Variants in TUBGCP6 observed in about 807,000 individuals in gnomAD.
TUBGCP6 encodes tubulin gamma complex component 6, also known as gamma-tubulin complex component 6.
Under a neutral mutation model 175.8 loss-of-function variants are expected in TUBGCP6, and 161 were observed. The ratio of observed to expected loss-of-function variants is 0.92; its 90% CI spans 0.81 to 1.04. TUBGCP6 has a LOEUF of 1.04. Among genes scored for constraint, TUBGCP6 ranks in the 50% least tolerant of loss-of-function variants. The pLI, the probability that TUBGCP6 is intolerant of heterozygous loss-of-function variation, is 0.00. For synonymous variants in TUBGCP6, 1,173 were observed against 1,030.5 expected, an observed-to-expected ratio of 1.14 and a Z score of -2.65; for missense variants, 2,572 against 2,433.0, an observed-to-expected ratio of 1.06 and a Z score of -1.20.
intron 8 of TUBGCP6, 25 bp from the exon 9 acceptor site, chr22:50,226,214 G>A: frequency 6.2e-7 from 1 of 1,614,072 alleles, no homozygotes; most frequent in East Asian, 2.2e-5. Flanking sequence ...ACACCACGGT[G>A]GCCGGCATGG....
Position 50,219,775 on chromosome 22 carries a change from T to C in TUBGCP6, c.4184A>G (p.Gln1395Arg), listed in dbSNP as rs2064485021. The C allele has an allele frequency of 1.2e-6, 2 of 1,613,438 alleles. No homozygotes were observed. Among genetic ancestry groups the C allele is most frequent in the Non-Finnish European group, 1.7e-6 (2 of 1,179,820 alleles). ...CTCCTCACCACGGCCTGGGCTGCTC[T>C]GGGCAGCTGTGTCTTCCTAACAAAA... ...PLNSQEDTAA[Q>R]SSPGRGEEAE... The change falls in exon 18 of 25, where the codon CAG (glutamine) becomes CGG (arginine). Residue 1395 changes from glutamine (Q) to arginine (R), a missense_variant. Coordinates refer to ENST00000248846, the MANE Select transcript of TUBGCP6 (RefSeq NM_020461.4).
chr22:50,217,835 C>A lies in TUBGCP6; in HGVS notation c.5369-8G>T, dbSNP rs1427310796. On this transcript the variant is annotated splice_region_variant and splice_polypyrimidine_tract_variant and intron_variant, in intron 24 of 24. Transcript: ENST00000248846. ...TCACCAGCTTGGTCACCACTGGGGA[C>A]CAGCGAGCAGCTCAGGCTTTTGCCC... is the stretch of plus-strand genomic sequence containing the variant. 1 of 1,613,420 alleles carries A rather than the reference C, an allele frequency of 6.2e-7. No individual in the cohort carries two copies. The highest frequency in any genetic ancestry group is 1.7e-5 in the Admixed American group (1 of 59,948).
Position 50,240,264 on chromosome 22 carries a change from A to C in TUBGCP6, c.845T>G (p.Leu282Arg). The C allele has an allele frequency of 6.2e-7, 1 of 1,613,984 alleles. No homozygotes were observed. The highest frequency in any genetic ancestry group is 8.5e-7 in the Non-Finnish European group (1 of 1,180,032). ...CTCATAGGTAAGTGCGGCTTCCCAC[A>C]GGTCCACGTCTGGGGTCACGCTGGG... ...SEPSVTPDVDLWEAALTYEAS... is the reference protein window; with the variant it reads ...SEPSVTPDVDRWEAALTYEAS... The change falls in exon 2 of 25, where the codon CTG becomes CGG. Residue 282 changes from leucine to arginine, a missense_variant. Transcript: ENST00000248846.
intron 7 of TUBGCP6, 50 bp from the exon 8 acceptor site, chr22:50,226,428 G>A: frequency 6.5e-7 from 1 of 1,538,480 alleles, no homozygotes; most frequent in Non-Finnish European, 8.8e-7. Context: ...AGAGGTGGGT[G>A]GGGCGTGGCT....
Position 50,219,685 on chromosome 22 carries a change from TGCCCTGCCA to T in TUBGCP6, c.4265_4273del (p.Leu1422_Gly1424del). The T allele has an allele frequency of 2.5e-6, 4 of 1,613,716 alleles. No homozygotes were observed. Among genetic ancestry groups the T allele is most frequent in the Non-Finnish European group, 3.4e-6 (4 of 1,179,970 alleles). On this transcript the variant is annotated inframe_deletion, in exon 18 of 25. Coordinates refer to ENST00000248846, the MANE Select transcript of TUBGCP6 (RefSeq NM_020461.4). ...GTCCGGGTACCGCTCCAAGTGGTAC[TGCCCTGCCA>T]GGCCTGCCAGGTAGGCCTGCTCCCC...
Position 50,244,695 on chromosome 22 carries a change from A to C in TUBGCP6, c.-236T>G. On this transcript the variant is annotated 5_prime_UTR_variant, in exon 1 of 25. Transcript: ENST00000248846. ...CACGCTGCCCGGCGCCCGGCAGCCC[A>C]CCAGAAGCCAGCTCGGCGTTTCTTC... 3.5e-6 allele frequency: 2 copies of C among 576,004 alleles called. No individual in the cohort carries two copies. Among genetic ancestry groups the C allele is most frequent in the South Asian group, 4.9e-5 (2 of 41,146 alleles). 35.7% of individuals were successfully genotyped at this position (576,004 alleles called of 1,614,324 possible).
At position 50,217,747 on chromosome 22, in the gene TUBGCP6, G is replaced by A; in HGVS notation, c.5449C>T (p.Gln1817Ter). ...CCCGCAGAGCAGCCTCAGGCGTCCTGGTAGTAGTTGTTGAAGTTGATGCGC... is the reference window on the plus strand; with the variant it reads ...CCCGCAGAGCAGCCTCAGGCGTCCTAGTAGTAGTTGTTGAAGTTGATGCGC... ...LLRINFNNYY[Q>*]DA is the part of the protein sequence containing the mutation. Residue 1817 changes from glutamine to a stop codon, truncating the protein, a stop_gained, in exon 25 of 25, where the codon CAG becomes TAG. Transcript: ENST00000248846. LOFTEE classifies it high-confidence loss of function. 1.2e-6 allele frequency: 2 copies of A among 1,613,982 alleles called. No homozygotes were observed. The highest frequency in any genetic ancestry group is 1.7e-6 in the Non-Finnish European group (2 of 1,179,948).
At chr22:50,220,107 C>G in intron 16 of TUBGCP6, 92 bp from the exon 17 acceptor site, 1 of 1,554,958 alleles carries the variant, frequency 6.4e-7, no homozygotes, top group Non-Finnish European at 8.7e-7. Context: ...CAGCCCCTCC[C>G]ATGTCCCCCA....
chr22:50,234,591 G>GGCAGCATCATCCACACCCCTATCCACA (rs1468631578), intron 2 of TUBGCP6, among the ~76,000 whole-genome samples: 1 of 111,656 alleles, frequency 9.0e-6, no homozygotes, highest in East Asian at 2.9e-4. Context: ...CCCCGTCCAC[G>GGCAGCATCATCCACACCCCTATCCACA]GCAGCATCAT....
At position 50,240,370 on chromosome 22, in the gene TUBGCP6, G is replaced by A. The variant is rs747843872; in HGVS notation, c.742-3C>T. 1.3e-5 allele frequency: 21 copies of A among 1,612,632 alleles called. No homozygotes were observed. Among genetic ancestry groups the A allele is most frequent in the Non-Finnish European group, 1.7e-5 (20 of 1,179,636 alleles). Reference sequence around the variant, plus strand: ...CACTGATCCACACTCGGTGGGACCTGGAGACACAGGGAAGGGCAAACCGCC... The same window carrying A: ...CACTGATCCACACTCGGTGGGACCTAGAGACACAGGGAAGGGCAAACCGCC... On this transcript the variant is annotated splice_polypyrimidine_tract_variant and splice_region_variant and intron_variant, in intron 1 of 24. Coordinates refer to ENST00000248846, the MANE Select transcript of TUBGCP6 (RefSeq NM_020461.4).
Position 50,219,664 on chromosome 22 carries a change from G to C in TUBGCP6, c.4295C>G (p.Pro1432Arg), listed in dbSNP as rs369501784. 8 of 1,613,542 alleles carry C rather than the reference G, an allele frequency of 5.0e-6. No individual in the cohort carries two copies. The highest frequency in any genetic ancestry group is 3.4e-6 in the Non-Finnish European group (4 of 1,179,952). The change falls in exon 18 of 25, where the codon CCG (proline) becomes CGG (arginine). Residue 1432 changes from proline (P) to arginine (R), a missense_variant. Coordinates refer to ENST00000248846, the MANE Select transcript of TUBGCP6 (RefSeq NM_020461.4). ...CTCACACATGGACTCGTAACTGTCC[G>C]GGTACCGCTCCAAGTGGTACTGCCC... ...LAGQYHLERY[P>R]DSYESMSEPP...
At chr22:50,222,395 G>T (rs1602512378) in intron 14 of TUBGCP6, 59 bp downstream of exon 14, 2 of 1,605,066 alleles carry the variant, frequency 1.2e-6, no homozygotes, top group East Asian at 2.2e-5. Flanking sequence ...GCAGTCTCAG[G>T]GGGTTTCCAG....
In TUBGCP6 at chr22:50,243,744, G is replaced by A. The variant is rs1405343723; in HGVS notation, c.716C>T (p.Ala239Val). The change falls in exon 1 of 25, where the codon GCG (alanine) becomes GTG (valine). Residue 239 changes from alanine to valine, a missense_variant. By Grantham distance (64) the Ala-to-Val change is moderately conservative (BLOSUM62 0). Transcript: ENST00000248846. ...RLGLPPVPDN[A>V]DLSGLAIKVP... ...CTTAATAGCCAGCCCAGAGAGGTCC[G>A]CATTGTCTGGCACGGGGGGCAGGCC... 2 of 1,613,340 alleles carry A rather than the reference G, an allele frequency of 1.2e-6. No homozygotes were observed. The highest frequency in any genetic ancestry group is 1.3e-5 in the African/African-American group (1 of 75,010).
rs113863639 is a variant in TUBGCP6 at position 50,242,446 on chromosome 22, G to A, written c.741+1273C>T. On this transcript the variant is annotated intron_variant, in intron 1 of 24. Coordinates refer to ENST00000248846, the MANE Select transcript of TUBGCP6 (RefSeq NM_020461.4). The stretch of plus-strand genomic sequence containing the variant: ...CAGGAGATGGAGGTTGCAGTGAGCC[G>A]AGACCACACCACTGCACTCCAGCCT... Among the ~76,000 whole-genome samples the A allele has an allele frequency of 9.0e-3, 1,360 of 151,670 alleles. 16 individuals are homozygous for A. Among genetic ancestry groups the A allele is most frequent in the African/African-American group, 0.031 (1,294 of 41,324 alleles).
rs765273274 is a variant in TUBGCP6 at position 50,243,699 on chromosome 22, G to A, written c.741+20C>T. The A allele has an allele frequency of 6.3e-7, 1 of 1,580,994 alleles. No individual in the cohort carries two copies. The highest frequency in any genetic ancestry group is 8.6e-7 in the Non-Finnish European group (1 of 1,160,542). The stretch of plus-strand genomic sequence containing the variant: ...TCCAAACCCCGAGAGAGATGAAAGA[G>A]GAAAAACTAAACATTCTACCTTAAT... On this transcript the variant is annotated intron_variant, in intron 1 of 24. Transcript: ENST00000248846.
intron 1 of TUBGCP6, among the ~76,000 whole-genome samples, chr22:50,241,733 T>C (rs2064841178): frequency 6.6e-6 from 1 of 152,154 alleles, no homozygotes; most frequent in South Asian, 2.1e-4. Flanking sequence ...CCACGTGACC[T>C]TACCTATCAT....
chr22:50,222,241 G>T, intron 14 of TUBGCP6, 139 bp from the exon 15 acceptor site: 1 of 1,153,686 alleles, frequency 8.7e-7, no homozygotes, highest in Non-Finnish European at 1.2e-6. Flanking sequence ...CCAGTGGGAC[G>T]CTGGGCCTGC....
chr22:50,242,476 G>A (rs982186305), intron 1 of TUBGCP6, among the ~76,000 whole-genome samples: 5 of 152,094 alleles, frequency 3.3e-5, no homozygotes, highest in African/African-American at 4.8e-5. Context: ...CAGCCTGGGC[G>A]ACAGAGCAAG....
At chr22:50,218,645 G>A in intron 21 of TUBGCP6, 25 bp from the exon 22 acceptor site, 4 of 1,613,746 alleles carry the variant, frequency 2.5e-6, no homozygotes, top group African/African-American at 2.7e-5. Context: ...GGCTCAGCAG[G>A]CATCCCACAG....
Sources: allele counts gnomAD v4.1 joint callset (sites outside exome capture counted in the v4.1 genomes callset), GRCh38; gene constraint gnomAD v4.1.1; transcripts MANE v1.5; gene names NCBI Gene and HGNC (gene_info 2026-07-23, HGNC 2026-07-21).